The following PHF20 variants were observed in gnomAD, a reference collection of about 807,000 sequenced individuals.
The protein encoded by PHF20 is glioma-expressed antigen 2.
Under a neutral mutation model 113.5 loss-of-function variants are expected in PHF20, and 23 were observed. That is an observed-to-expected ratio of 0.20 (90% CI 0.15 to 0.29). PHF20 has a LOEUF of 0.29. PHF20 is among the 10% of genes least tolerant of loss of function. The probability of loss-of-function intolerance (pLI) is 1.00; values close to 1 mark genes in which losing one functional copy is unlikely to be tolerated. For synonymous variants in PHF20, 434 were observed against 457.3 expected, an observed-to-expected ratio of 0.95 and a Z score of 0.65; for missense variants, 943 against 1,219.6, an observed-to-expected ratio of 0.77 and a Z score of 3.38.
In PHF20 at chr20:35,882,586, C is replaced by A. The variant is rs527348531; in HGVS notation, c.1282+10757C>A. 5.9e-5 allele frequency among the ~76,000 whole-genome samples: 9 copies of A among 152,318 alleles called. No homozygotes were observed. In the South Asian group the frequency reaches 1.9e-3, roughly 32 times the overall value. On this transcript the variant is annotated intron_variant, in intron 9 of 17. Transcript: ENST00000374012. ...AGGACTACAGACATGTGGCACCAAG[C>A]CTGGCTAATTTTTAAATTTTTTGTG...
chr20:35,878,455 A>C, intron 9 of PHF20: 2 of 539,838 alleles, frequency 3.7e-6, no homozygotes, highest in Non-Finnish European at 6.5e-6. Flanking sequence ...AGCAATCACT[A>C]TGTCGACAAA....
At chr20:35,822,141 C>T (rs1007143680) in intron 2 of PHF20, among the ~76,000 whole-genome samples, 1 of 152,178 alleles carries the variant, frequency 6.6e-6, no homozygotes, top group Admixed American at 6.5e-5. Context: ...CGGTGGCTCA[C>T]GCCTGTAATC....
At position 35,931,381 on chromosome 20, in the gene PHF20, T is replaced by G. The variant is rs945991190; in HGVS notation, c.2237T>G (p.Leu746Arg). 13 of 1,613,888 alleles carry G rather than the reference T, an allele frequency of 8.1e-6. No individual in the cohort carries two copies. The highest frequency in any genetic ancestry group is 1.7e-5 in the Admixed American group (1 of 59,992). Residue 746 changes from leucine to arginine, a missense_variant, in exon 15 of 18, where the codon CTT becomes CGT. Coordinates refer to ENST00000374012, the MANE Select transcript of PHF20 (RefSeq NM_016436.5). ...AKKIVATHQL[L>R]GDVQRVIEVL... ...AAGATCGTGGCCACCCACCAGCTTCTTGGTGATGTGCAGAGAGTGATTGAG... is the reference window on the plus strand; with the variant it reads ...AAGATCGTGGCCACCCACCAGCTTCGTGGTGATGTGCAGAGAGTGATTGAG...
intron 2 of PHF20, among the ~76,000 whole-genome samples, chr20:35,838,642 AGTT>A (rs1285739662): frequency 6.6e-6 from 1 of 152,210 alleles, no homozygotes; most frequent in African/African-American, 2.4e-5. Flanking sequence ...TATTAAAAAC[AGTT>A]GTTATCGTTT....
At chr20:35,776,819 T>C (rs2041185549) in intron 1 of PHF20, among the ~76,000 whole-genome samples, 1 of 152,214 alleles carries the variant, frequency 6.6e-6, no homozygotes, top group Admixed American at 6.5e-5. Context: ...CTTAATGCTA[T>C]GGGCCTGCTT....
At chr20:35,935,016 T>C (rs2055837575) in intron 15 of PHF20, among the ~76,000 whole-genome samples, 1 of 152,154 alleles carries the variant, frequency 6.6e-6, no homozygotes, top group South Asian at 2.1e-4. Context: ...TTAGCTATAT[T>C]TCTTTAAAAA....
At chr20:35,788,564 A>G (rs78421482) in intron 1 of PHF20, among the ~76,000 whole-genome samples, 15,858 of 150,902 alleles carry the variant, frequency 0.11, 869 homozygotes, top group South Asian at 0.16. Flanking sequence ...CCATTTTGCC[A>G]GTGAGAAGGC....
At chr20:35,934,294 G>A (rs369371154) in intron 15 of PHF20, among the ~76,000 whole-genome samples, 1 of 152,204 alleles carries the variant, frequency 6.6e-6, no homozygotes, top group African/African-American at 2.4e-5. Context: ...TTGGGTCTGC[G>A]TTGGTTTGGG....
At chr20:35,920,417 G>A (rs533428275) in intron 13 of PHF20, among the ~76,000 whole-genome samples, 2 of 152,314 alleles carry the variant, frequency 1.3e-5, no homozygotes, top group African/African-American at 4.8e-5. Flanking sequence ...GTACAGCTGA[G>A]TAGTGATTTA....
chr20:35,860,761 G>A (rs1258460130), intron 5 of PHF20, among the ~76,000 whole-genome samples: 1 of 152,112 alleles, frequency 6.6e-6, no homozygotes, highest in Non-Finnish European at 1.5e-5. Context: ...TTTGTGTTAG[G>A]TTTGTAGAAC....
intron 1 of PHF20, among the ~76,000 whole-genome samples, chr20:35,800,452 GT>G (rs1366785361): frequency 2.6e-5 from 4 of 152,096 alleles, no homozygotes; most frequent in Non-Finnish European, 4.4e-5. Flanking sequence ...AAAAAAAGAA[GT>G]AGGAAATATA....
chr20:35,813,069 C>T (rs1246991576), intron 2 of PHF20, among the ~76,000 whole-genome samples: 4 of 152,144 alleles, frequency 2.6e-5, no homozygotes, highest in Non-Finnish European at 4.4e-5. Flanking sequence ...CTCAGGTTCA[C>T]GCCATTCTCC....
At chr20:35,799,291 CAA>C (rs35210007) in intron 1 of PHF20, among the ~76,000 whole-genome samples, 259 of 20,934 alleles carry the variant, frequency 0.012, no homozygotes, top group Non-Finnish European at 0.023. Context: ...ACTCTCTCTG[CAA>C]AAAAAAAAAA....
intron 13 of PHF20, among the ~76,000 whole-genome samples, chr20:35,920,227 A>T (rs1326325491): frequency 1.3e-5 from 2 of 152,218 alleles, no homozygotes; most frequent in Non-Finnish European, 2.9e-5. Context: ...CGTGGTATGT[A>T]TCTTTTTGAG....
At chr20:35,824,147 TTTCA>T (rs2042222206) in intron 2 of PHF20, among the ~76,000 whole-genome samples, 1 of 152,214 alleles carries the variant, frequency 6.6e-6, no homozygotes. Flanking sequence ...CGCCAAACTT[TTTCA>T]GAGTCTCTGT....
At chr20:35,791,179 C>T (rs766650668) in intron 1 of PHF20, among the ~76,000 whole-genome samples, 3 of 152,048 alleles carry the variant, frequency 2.0e-5, no homozygotes, top group Non-Finnish European at 2.9e-5. Flanking sequence ...AAATAGAAGT[C>T]TTATGATCAT....
At chr20:35,799,281 ACT>A (rs968950818) in intron 1 of PHF20, among the ~76,000 whole-genome samples, 15 of 115,476 alleles carry the variant, frequency 1.3e-4, no homozygotes, top group Non-Finnish European at 8.2e-5. Context: ...GAACATAGAT[ACT>A]CTCTCTGCAA....
At chr20:35,786,154 C>CA (rs2041408546) in intron 1 of PHF20, among the ~76,000 whole-genome samples, 1 of 151,872 alleles carries the variant, frequency 6.6e-6, no homozygotes, top group Non-Finnish European at 1.5e-5. Context: ...TTTGGGAGGC[C>CA]GAGGCAGGTG....
chr20:35,817,142 T>G (rs747150573), intron 2 of PHF20, among the ~76,000 whole-genome samples: 3 of 151,472 alleles, frequency 2.0e-5, no homozygotes. Context: ...AACAGTTCTT[T>G]CTTTTTTTTT....
Sources: allele counts gnomAD v4.1 joint callset (sites outside exome capture counted in the v4.1 genomes callset), GRCh38; gene constraint gnomAD v4.1.1; transcripts MANE v1.5; gene names NCBI Gene and HGNC (gene_info 2026-07-23, HGNC 2026-07-21).